The following HDAC4 variants were observed in gnomAD, a reference collection of about 807,000 sequenced individuals.
The protein encoded by HDAC4 is histone deacetylase 4.
HDAC4 carries 16 observed loss-of-function variants against 135.1 expected under a neutral mutation model. The observed-to-expected ratio is 0.12, with a 90% CI of 0.08 to 0.18. HDAC4 has a LOEUF of 0.18. Ranked by LOEUF, HDAC4 falls within the 10% of genes least tolerant of loss-of-function variation. HDAC4 has a pLI of 1.00. For missense variants in HDAC4, 1,143 were observed against 1,511.8 expected (o/e 0.76, Z 4.05); for synonymous variants, 685 against 653.4 (o/e 1.05, Z -0.74).
chr2:239,085,310 G>T (rs2035827489), intron 19 of HDAC4, among the ~76,000 whole-genome samples: 1 of 152,134 alleles, frequency 6.6e-6, no homozygotes, highest in Admixed American at 6.5e-5. Flanking sequence ...AGCTATGAAA[G>T]TGATTCAAAT....
intron 1 of HDAC4, among the ~76,000 whole-genome samples, chr2:239,366,132 C>T (rs970191760): frequency 1.3e-5 from 2 of 149,396 alleles, no homozygotes; most frequent in Admixed American, 6.7e-5. Context: ...CTGGCGGACA[C>T]AAACACGCAT....
At position 239,167,440 on chromosome 2, in the gene HDAC4, C is replaced by T. The variant is rs941135675; in HGVS notation, c.491-3517G>A. ...CCCATGCAGTGGGGGGCAGACATGA[C>T]TGGGGTTCACACCCCACCCATGCCC... On this transcript the variant is annotated intron_variant, in intron 5 of 26. Transcript: ENST00000543185. The surrounding 1 kb of genome is among the most constrained non-coding windows in gnomAD (Gnocchi z 4.1). Among the ~76,000 whole-genome samples, 3 of 152,214 alleles carry T rather than the reference C, an allele frequency of 2.0e-5. No homozygotes were observed. The highest frequency in any genetic ancestry group is 4.4e-5 in the Non-Finnish European group (3 of 68,032).
intron 18 of HDAC4, among the ~76,000 whole-genome samples, chr2:239,089,476 C>T (rs1039313975): frequency 5.9e-5 from 9 of 152,096 alleles, no homozygotes; most frequent in South Asian, 2.1e-4. Flanking sequence ...TATAGGCATG[C>T]GCCACCATGC....
At chr2:239,289,677 C>T (rs2125482210) in intron 2 of HDAC4, among the ~76,000 whole-genome samples, 1 of 152,372 alleles carries the variant, frequency 6.6e-6, no homozygotes, top group East Asian at 1.9e-4. Flanking sequence ...CAGGGCCCCT[C>T]CCAGCCACCT....
rs1241936736 is a variant in HDAC4 at position 239,107,971 on chromosome 2, C to T, written c.2112+79G>A. On this transcript the variant is annotated intron_variant, in intron 15 of 26. Transcript: ENST00000543185. The stretch of plus-strand genomic sequence containing the variant: ...AAGAACCACCTGCAAAACCAACACC[C>T]TGAATCACGCGGGCCCACGAGGGTC... 18 of 1,573,610 alleles carry T rather than the reference C, an allele frequency of 1.1e-5. No individual in the cohort carries two copies. The Admixed American group carries it at 2.8e-4, about 25-fold the overall frequency.
intron 3 of HDAC4, among the ~76,000 whole-genome samples, chr2:239,195,778 A>AT: frequency 6.6e-6 from 1 of 152,384 alleles, no homozygotes; most frequent in East Asian, 1.9e-4. Context: ...TATTAAGACA[A>AT]TCAGACTCCT....
intron 2 of HDAC4, among the ~76,000 whole-genome samples, chr2:239,265,046 G>C (rs1231823934): frequency 6.6e-6 from 1 of 152,178 alleles, no homozygotes; most frequent in East Asian, 1.9e-4. Flanking sequence ...TGCAGAGCCT[G>C]ACAGGGGCTG....
At chr2:239,312,341 C>T (rs1013249726) in intron 2 of HDAC4, among the ~76,000 whole-genome samples, 9 of 152,166 alleles carry the variant, frequency 5.9e-5, no homozygotes, top group African/African-American at 1.9e-4. Context: ...CATTGGCTGC[C>T]GCCAAGAGGC....
At chr2:239,213,902 C>T (rs1487327780) in intron 3 of HDAC4, among the ~76,000 whole-genome samples, 1 of 152,232 alleles carries the variant, frequency 6.6e-6, no homozygotes, top group Admixed American at 6.5e-5. Flanking sequence ...TGCCTAACCG[C>T]CTGCTAGTCC....
At chr2:239,069,603 A>AGAGCATTGCT (rs2033939942) in intron 22 of HDAC4, among the ~76,000 whole-genome samples, 2 of 73,538 alleles carry the variant, frequency 2.7e-5, no homozygotes, top group African/African-American at 4.5e-5. Flanking sequence ...GGTGAGAGTG[A>AGAGCATTGCT]GTCACAGTGC....
intron 2 of HDAC4, among the ~76,000 whole-genome samples, chr2:239,346,575 ACAG>A (rs1463027024): frequency 7.2e-6 from 1 of 139,770 alleles, no homozygotes; most frequent in Non-Finnish European, 1.6e-5. Flanking sequence ...ACACACACAC[ACAG>A]ACCATAACAC....
At chr2:239,387,388 G>T (rs1032185746) in intron 1 of HDAC4, among the ~76,000 whole-genome samples, 1 of 152,180 alleles carries the variant, frequency 6.6e-6, no homozygotes, top group Non-Finnish European at 1.5e-5. Context: ...CCACAGGGCC[G>T]GCCGCCACCA....
chr2:239,087,736 G>A (rs1243661156), intron 18 of HDAC4, 122 bp from the exon 19 acceptor site: 3 of 906,332 alleles, frequency 3.3e-6, no homozygotes, highest in South Asian at 2.9e-5. Context: ...GTTTCTTGCT[G>A]CACCCTGGCC....
intron 5 of HDAC4, among the ~76,000 whole-genome samples, chr2:239,172,293 A>AAAAAAAAATATAT (rs1278028621): frequency 5.2e-5 from 6 of 115,054 alleles, no homozygotes; most frequent in African/African-American, 1.9e-4. Flanking sequence ...GGTGAAAAAA[A>AAAAAAAAATATAT]ATATATATAT....
intron 2 of HDAC4, among the ~76,000 whole-genome samples, chr2:239,252,429 C>T (rs1003877537): frequency 1.3e-5 from 2 of 152,234 alleles, no homozygotes; most frequent in African/African-American, 4.8e-5. Flanking sequence ...GCCCACGTCA[C>T]CATGGACACA....
chr2:239,202,013 T>C (rs897458017), intron 3 of HDAC4, among the ~76,000 whole-genome samples: 3 of 152,188 alleles, frequency 2.0e-5, no homozygotes, highest in Non-Finnish European at 2.9e-5. Flanking sequence ...TGGCAGGATC[T>C]TTCCCCAGCC....
Position 239,236,647 on chromosome 2 carries a change from C to A in HDAC4, c.40G>T (p.Asp14Tyr), listed in dbSNP as rs1451473398. 2 of 1,551,586 alleles carry A rather than the reference C, an allele frequency of 1.3e-6. No individual in the cohort carries two copies. The highest frequency in any genetic ancestry group is 1.7e-6 in the Non-Finnish European group (2 of 1,146,974). ...GGATTCAGCAGCTCCACTGGCTGGT[C>A]TCGGCCAGAAAGTCCATCTGGAGAA... Reference protein sequence around the residue: ...QSHPDGLSGRDQPVELLNPAR... With the variant: ...QSHPDGLSGRYQPVELLNPAR... Residue 14 changes from aspartate (D) to tyrosine (Y), a missense_variant, in exon 3 of 27, where the codon GAC becomes TAC. Around this residue, in one of 9 missense-constraint regions of HDAC4, gnomAD observed 247 missense variants for 310.0 expected, o/e 0.80. Coordinates refer to ENST00000543185, the MANE Select transcript of HDAC4 (RefSeq NM_001378414.1).
At position 239,262,963 on chromosome 2, in the gene HDAC4, GA is replaced by G. The variant is rs1013712657; in HGVS notation, c.23-26300del. ...TGTGCTTCACGAAAGATCTACGCGT[GA>G]AGCCCCCGGGAAGCCAAGCCCCAGG... On this transcript the variant is annotated intron_variant, in intron 2 of 26. Coordinates refer to ENST00000543185, the MANE Select transcript of HDAC4 (RefSeq NM_001378414.1). The surrounding 1 kb of genome is among the most constrained non-coding windows in gnomAD (Gnocchi z 4.1). Among the ~76,000 whole-genome samples, 3 of 151,968 alleles carry G rather than the reference GA, an allele frequency of 2.0e-5. No homozygotes were observed. Among genetic ancestry groups the G allele is most frequent in the Non-Finnish European group, 4.4e-5 (3 of 68,000 alleles).
chr2:239,292,224 C>T (rs2051563999), intron 2 of HDAC4, among the ~76,000 whole-genome samples: 3 of 152,234 alleles, frequency 2.0e-5, no homozygotes, highest in African/African-American at 7.2e-5. Context: ...CGGGCAGGTG[C>T]TGCAATGCGC....
Sources: gnomAD v4.1 joint callset for allele counts (sites outside exome capture counted in the v4.1 genomes callset) on GRCh38, gnomAD v4.1.1 for gene constraint, gnomAD v4.1.1 regional missense constraint, Gnocchi (gnomAD v3.1) non-coding constraint, MANE v1.5 for transcripts, NCBI Gene and HGNC (gene_info 2026-07-23, HGNC 2026-07-21) for gene names.